Variants in NTHL1 observed in about 807,000 individuals in gnomAD.
The protein encoded by NTHL1 is nth like DNA glycosylase 1, also known as endonuclease III-like protein 1.
Under a neutral mutation model 32.3 loss-of-function variants are expected in NTHL1, and 32 were observed. The ratio of observed to expected loss-of-function variants is 0.99; its 90% CI spans 0.75 to 1.33. The LOEUF (loss-of-function observed/expected upper bound fraction) is 1.33, where lower values mean the gene tolerates loss of function less well. Ranked by LOEUF, NTHL1 falls within the 40% of genes most tolerant of loss-of-function variation. The probability of loss-of-function intolerance (pLI) is 0.00; values close to 1 mark genes in which losing one functional copy is unlikely to be tolerated. For missense variants in NTHL1, 501 were observed against 414.1 expected, an observed-to-expected ratio of 1.21 and a Z score of -1.82; for synonymous variants, 188 against 176.9, an observed-to-expected ratio of 1.06 and a Z score of -0.50.
chr16:2,044,507 G>A lies in NTHL1; in HGVS notation c.525+123C>T, dbSNP rs1252382602. On this transcript the variant is annotated intron_variant, in intron 3 of 5. Transcript: ENST00000651570. This position sits in a 1 kb window ranked among gnomAD's most constrained non-coding sequence, Gnocchi z 5.0. ...CCCCACGGCCTGGGGGGGGCTTCAGGGGGACCCCCCGAGCCTGAGATGCTT... is the reference window on the plus strand; with the variant it reads ...CCCCACGGCCTGGGGGGGGCTTCAGAGGGACCCCCCGAGCCTGAGATGCTT... The A allele has an allele frequency of 8.2e-6, 11 of 1,341,138 alleles. No individual in the cohort carries two copies. In the South Asian group the frequency reaches 1.1e-4, roughly 13 times the overall value. The allele number at this position is 1,341,138 out of a possible 1,614,324, so 83.1% of individuals were successfully genotyped here.
chr16:2,047,731 G>A lies in NTHL1; in HGVS notation c.93C>T (p.Leu31=), dbSNP rs1171088713. 1 of 1,584,386 alleles carries A rather than the reference G, an allele frequency of 6.3e-7. No individual in the cohort carries two copies. The highest frequency in any genetic ancestry group is 8.5e-7 in the Non-Finnish European group (1 of 1,171,814). Residue 31 remains leucine (L), a synonymous_variant, in exon 1 of 6, where the codon CTC becomes CTT. Coordinates refer to ENST00000651570, the MANE Select transcript of NTHL1 (RefSeq NM_002528.7). ...TACCTGCTGCAGCCTCTCTTCTCCG[G>A]AGAGGCCCGGGCTCCTCCCTACACC... The part of the protein sequence containing the change: ...PRGCREEPGP[L]RRREAAAEAR...
At chr16:2,046,100 C>G (rs1194936687) in intron 2 of NTHL1, 28 bp downstream of exon 2, 3 of 1,574,816 alleles carry the variant, frequency 1.9e-6, no homozygotes, top group Non-Finnish European at 2.6e-6. Flanking sequence ...GATGGGGGGT[C>G]ATCTGGGCAG....
At chr16:2,047,419 C>G (rs1432994195) in intron 1 of NTHL1, 1 of 494,760 alleles carries the variant, frequency 2.0e-6, no homozygotes, top group Non-Finnish European at 3.5e-6. Context: ...ATGGGACCCA[C>G]AGAGCCTGGA....
intron 4 of NTHL1, among the ~76,000 whole-genome samples, chr16:2,042,617 G>C (rs1292221878): frequency 6.6e-6 from 1 of 152,134 alleles, no homozygotes; most frequent in East Asian, 1.9e-4. Flanking sequence ...GGCTGCGTGT[G>C]GCCTTAGGAG....
In NTHL1 at chr16:2,043,682, C is replaced by T. The variant is rs2150941377; in HGVS notation, c.570G>A (p.Gln190=). ...AGGCTGGGATGTCCCCACCGTAGTG[C>T]TGCTGCAGGATGGCGCTGGTCTGCT... ...YIKQTSAILQ[Q]HYGGDIPASV... Residue 190 remains glutamine (Q), a synonymous_variant, in exon 4 of 6, where the codon CAG becomes CAA. Coordinates refer to ENST00000651570, the MANE Select transcript of NTHL1 (RefSeq NM_002528.7). This position sits in a 1 kb window ranked among gnomAD's most constrained non-coding sequence, Gnocchi z 4.4. The T allele has an allele frequency of 6.2e-7, 1 of 1,612,174 alleles. No homozygotes were observed. Among genetic ancestry groups the T allele is most frequent in the East Asian group, 2.2e-5 (1 of 44,888 alleles).
chr16:2,043,760 A>T lies in NTHL1; in HGVS notation c.526-34T>A, dbSNP rs2084302174. 6.2e-7 allele frequency: 1 copy of T among 1,608,502 alleles called. No homozygotes were observed. Among genetic ancestry groups the T allele is most frequent in the East Asian group, 2.2e-5 (1 of 44,856 alleles). On this transcript the variant is annotated intron_variant, in intron 3 of 5. Coordinates refer to ENST00000651570, the MANE Select transcript of NTHL1 (RefSeq NM_002528.7). This position sits in a 1 kb window ranked among gnomAD's most constrained non-coding sequence, Gnocchi z 4.4. ...CAGGGGTGGGTTCAGCCTTGGAGGC[A>T]AGGGCACAGCCCAACCTGGGAGGAT...
intron 4 of NTHL1, 31 bp from the exon 5 acceptor site, chr16:2,040,269 G>A (rs771739143): frequency 4.2e-5 from 67 of 1,594,884 alleles, no homozygotes; most frequent in Non-Finnish European, 5.5e-5. Context: ...GTGAACAGGG[G>A]CACACTCCAC....
At chr16:2,047,496 G>A in intron 1 of NTHL1, 2 of 752,094 alleles carry the variant, frequency 2.7e-6, no homozygotes, top group Non-Finnish European at 4.1e-6. Context: ...AGGGGGCAGC[G>A]GAGCGGAGCG....
rs564672567 is a variant in NTHL1, at chr16:2,042,613, G to A, written c.685+954C>T. Among the ~76,000 whole-genome samples the A allele has an allele frequency of 5.5e-3, 831 of 152,252 alleles. 5 individuals are homozygous for A. Among genetic ancestry groups the A allele is most frequent in the Middle Eastern group, 0.041 (12 of 294 alleles). On this transcript the variant is annotated intron_variant, in intron 4 of 5. Coordinates refer to ENST00000651570, the MANE Select transcript of NTHL1 (RefSeq NM_002528.7). ...TTCTGGACTGGCTGGGCCCGGCTGCGTGTGGCCTTAGGAGCCCCAAATCCT... is the reference window on the plus strand; with the variant it reads ...TTCTGGACTGGCTGGGCCCGGCTGCATGTGGCCTTAGGAGCCCCAAATCCT...
In NTHL1 at chr16:2,043,716, T is replaced by C; in HGVS notation, c.536A>G (p.Lys179Arg). ...YPVGFWRSKV[K>R]YIKQTSAILQ... ...GATGGCGCTGGTCTGCTTGATGTAT[T>C]TCACCTTGCTCTGAAAGACAGGGGT... The change falls in exon 4 of 6, where the codon AAA becomes AGA. Residue 179 changes from lysine (K) to arginine (R), a missense_variant. Transcript: ENST00000651570. This position sits in a 1 kb window ranked among gnomAD's most constrained non-coding sequence, Gnocchi z 4.4. 1 of 1,611,830 alleles carries C rather than the reference T, an allele frequency of 6.2e-7. No individual in the cohort carries two copies. Among genetic ancestry groups the C allele is most frequent in the South Asian group, 1.1e-5 (1 of 91,084 alleles).
chr16:2,044,589 G>C lies in NTHL1; in HGVS notation c.525+41C>G, dbSNP rs1444829419. ...CTCAGCCTTCTGAGGTCTCTCTCAG[G>C]CCACTGCCACCCGGCCCCCGTTGCC... On this transcript the variant is annotated intron_variant, in intron 3 of 5. Transcript: ENST00000651570. The surrounding 1 kb of genome is among the most constrained non-coding windows in gnomAD (Gnocchi z 5.0). 1 of 1,597,096 alleles carries C rather than the reference G, an allele frequency of 6.3e-7. No individual in the cohort carries two copies. Among genetic ancestry groups the C allele is most frequent in the Non-Finnish European group, 8.5e-7 (1 of 1,179,442 alleles).
rs1455998081 is a variant in NTHL1, at chr16:2,046,195, T to C, written c.287A>G (p.Asn96Ser). Residue 96 changes from asparagine (N) to serine (S), a missense_variant, in exon 2 of 6, where the codon AAC (asparagine) becomes AGC (serine). Physicochemically the swap from Asn to Ser is conservative, Grantham distance 46 (BLOSUM62 1). Coordinates refer to ENST00000651570, the MANE Select transcript of NTHL1 (RefSeq NM_002528.7). ...QQLVNIRAMR[N>S]KKDAPVDHLG... ...ATGGTCCACAGGTGCATCCTTTTTG[T>C]TCCTCATGGCACGGATGTTGACCAG... 1.9e-6 allele frequency: 3 copies of C among 1,613,262 alleles called. No individual in the cohort carries two copies. Among genetic ancestry groups the C allele is most frequent in the African/African-American group, 2.7e-5 (2 of 75,038 alleles).
At chr16:2,047,109 A>C (rs2516740) in intron 1 of NTHL1, 46,559 of 153,120 alleles carry the variant, frequency 0.3, 8,920 homozygotes, top group African/African-American at 0.54. Flanking sequence ...GTTCCTCCTG[A>C]CATAGTCTGG....
In NTHL1 at chr16:2,045,998, G is replaced by A. The variant is rs1025256073; in HGVS notation, c.354+130C>T. Reference sequence around the variant, plus strand: ...TACAGTGATGCAGGCGATGCTCTGGGGCACCGGGTGTCCATCCTCCCAAGG... The same window carrying A: ...TACAGTGATGCAGGCGATGCTCTGGAGCACCGGGTGTCCATCCTCCCAAGG... On this transcript the variant is annotated intron_variant, in intron 2 of 5. Transcript: ENST00000651570. 1.1e-5 allele frequency: 8 copies of A among 732,096 alleles called. No individual in the cohort carries two copies. In the African/African-American group the frequency reaches 1.2e-4, roughly 11 times the overall value. The allele number at this position is 732,096 out of a possible 1,614,324, so 45.4% of individuals were successfully genotyped here.
intron 4 of NTHL1, chr16:2,042,008 C>T: frequency 2.2e-6 from 1 of 455,718 alleles, no homozygotes; most frequent in South Asian, 1.5e-5. Flanking sequence ...ATACCTCGGC[C>T]TTCCAAAGTG....
chr16:2,039,981 G>T lies in NTHL1; in HGVS notation c.858C>A (p.His286Gln). 3 of 1,609,880 alleles carry T rather than the reference G, an allele frequency of 1.9e-6. No homozygotes were observed. Among genetic ancestry groups the T allele is most frequent in the Non-Finnish European group, 2.5e-6 (3 of 1,179,958 alleles). ...GGTTGAGGCAGGCGTGGCAGCGAGG[G>T]TGCACAGGCAGACAGGTCTGCTGGC... ...GFGQQTCLPV[H>Q]PRCHACLNQA... Residue 286 changes from histidine (H) to glutamine (Q), a missense_variant, in exon 6 of 6, where the codon CAC becomes CAA. Physicochemically the swap from His to Gln is conservative, Grantham distance 24. Transcript: ENST00000651570.
intron 2 of NTHL1, among the ~76,000 whole-genome samples, chr16:2,045,640 T>A (rs1464380488): frequency 6.6e-6 from 1 of 152,158 alleles, no homozygotes; most frequent in Non-Finnish European, 1.5e-5. Flanking sequence ...TTTCGCCACA[T>A]TGGCCAGGCT....
intron 4 of NTHL1, chr16:2,040,538 G>T (rs1002532120): frequency 7.8e-6 from 4 of 509,940 alleles, no homozygotes; most frequent in Non-Finnish European, 1.4e-5. Context: ...GGGTGGTGGG[G>T]TCTCTGCTTT....
intron 5 of NTHL1, 40 bp from the exon 6 acceptor site, chr16:2,040,087 G>A (rs2084239810): frequency 6.2e-7 from 1 of 1,612,658 alleles, no homozygotes; most frequent in Non-Finnish European, 8.5e-7. Context: ...ACAGAGGGCG[G>A]GCGGGGTGAG....
Sources: allele counts gnomAD v4.1 joint callset (sites outside exome capture counted in the v4.1 genomes callset), GRCh38; gene constraint gnomAD v4.1.1; non-coding constraint Gnocchi (gnomAD v3.1); transcripts MANE v1.5; gene names NCBI Gene and HGNC (gene_info 2026-07-23, HGNC 2026-07-21).